Variants in AJAP1 observed in about 807,000 individuals in gnomAD.
AJAP1 encodes the protein adherens junctions associated protein 1, also known as adherens junction-associated protein 1.
Under a neutral mutation model 35.0 loss-of-function variants are expected in AJAP1, and 5 were observed. The observed-to-expected ratio is 0.14, with a 90% CI of 0.07 to 0.30. The LOEUF (loss-of-function observed/expected upper bound fraction) is 0.30. Among genes scored for constraint, AJAP1 ranks in the 10% least tolerant of loss-of-function variants. The pLI, the probability that AJAP1 is intolerant of heterozygous loss-of-function variation, is 1.00. For synonymous variants in AJAP1, 284 were observed against 249.3 expected, an observed-to-expected ratio of 1.14 and a Z score of -1.31; for missense variants, 586 against 571.0, an observed-to-expected ratio of 1.03 and a Z score of -0.27.
rs758704738 is a variant in AJAP1, at chr1:4,787,804, G to T, written c.*5319G>T. 1 of 453,752 alleles carries T rather than the reference G, an allele frequency of 2.2e-6. No homozygotes were observed. Among genetic ancestry groups the T allele is most frequent in the Non-Finnish European group, 4.4e-6 (1 of 225,198 alleles). 28.1% of individuals were successfully genotyped at this position (453,752 alleles called of 1,614,324 possible). A position where few individuals can be genotyped will look rare whatever the true frequency, so the allele number is the denominator to read the frequency against. ...GCCCACGGGGCACGGGCACCTTGGG[G>T]ATGCCATTCTTCTTGGTGCCAGAAG... is the stretch of plus-strand genomic sequence containing the variant. On this transcript the variant is annotated 3_prime_UTR_variant, in exon 6 of 6. Transcript: ENST00000378191.
intron 1 of AJAP1, among the ~76,000 whole-genome samples, chr1:4,683,965 A>G (rs1639544144): frequency 6.6e-6 from 1 of 152,128 alleles, no homozygotes; most frequent in Non-Finnish European, 1.5e-5. Context: ...TAAGACACAG[A>G]CACACAGGGC....
chr1:4,763,989 C>A (rs905076258), intron 2 of AJAP1, among the ~76,000 whole-genome samples: 2 of 152,008 alleles, frequency 1.3e-5, no homozygotes, highest in Non-Finnish European at 2.9e-5. Context: ...AGTGTCCCTG[C>A]CCACTGACCT....
At chr1:4,719,543 C>T (rs1318077594) in intron 2 of AJAP1, among the ~76,000 whole-genome samples, 1 of 152,068 alleles carries the variant, frequency 6.6e-6, no homozygotes, top group Non-Finnish European at 1.5e-5. Context: ...TAGGAAGAGC[C>T]CATCTCGGGG....
intron 2 of AJAP1, among the ~76,000 whole-genome samples, chr1:4,764,628 A>G (rs749576795): frequency 6.6e-6 from 1 of 152,194 alleles, no homozygotes; most frequent in Non-Finnish European, 1.5e-5. Context: ...CACTTGTTGC[A>G]TGACAGACAT....
At chr1:4,675,821 T>C (rs1278022691) in intron 1 of AJAP1, among the ~76,000 whole-genome samples, 1 of 152,228 alleles carries the variant, frequency 6.6e-6, no homozygotes, top group Non-Finnish European at 1.5e-5. Context: ...CCCAGGCCAG[T>C]TAAACCTGCC....
At chr1:4,715,740 A>C (rs1640374616) in intron 2 of AJAP1, among the ~76,000 whole-genome samples, 1 of 152,252 alleles carries the variant, frequency 6.6e-6, no homozygotes, top group Non-Finnish European at 1.5e-5. Flanking sequence ...TAGTGGATGA[A>C]CACTGAGCAT....
intron 2 of AJAP1, among the ~76,000 whole-genome samples, chr1:4,721,041 C>G (rs1173330486): frequency 2.4e-4 from 37 of 152,222 alleles, no homozygotes; most frequent in Non-Finnish European, 7.3e-5. Context: ...CGACTCTCCC[C>G]TTTACATAGC....
At chr1:4,776,148 C>T (rs149009859) in intron 5 of AJAP1, among the ~76,000 whole-genome samples, 106 of 152,346 alleles carry the variant, frequency 7.0e-4, no homozygotes, top group African/African-American at 2.3e-3. Flanking sequence ...GGGACAGCCC[C>T]GTAATACGGA....
At chr1:4,712,816 C>T in intron 2 of AJAP1, 117 bp downstream of exon 2, 2 of 1,120,332 alleles carry the variant, frequency 1.8e-6, no homozygotes, top group African/African-American at 1.6e-5. Context: ...CCAGGAGATG[C>T]AGGCGTGATG....
Position 4,738,397 on chromosome 1 carries a change from G to A in AJAP1, c.829+25698G>A, listed in dbSNP as rs764571762. Among the ~76,000 whole-genome samples the A allele has an allele frequency of 1.9e-4, 29 of 152,360 alleles. No individual in the cohort carries two copies. In the East Asian group the frequency reaches 3.7e-3, roughly 19 times the overall value. On this transcript the variant is annotated intron_variant, in intron 2 of 5. Coordinates refer to ENST00000378191, the MANE Select transcript of AJAP1 (RefSeq NM_018836.4). Reference sequence around the variant, plus strand: ...TGGATTGACTGGGGAGTTAGCATGCGTGAGGGGCCTCTCTCTGAACAAGGG... The same window carrying A: ...TGGATTGACTGGGGAGTTAGCATGCATGAGGGGCCTCTCTCTGAACAAGGG...
rs1468567600 is a variant in AJAP1, at chr1:4,792,534, A to G, written c.*10049A>G. The G allele has an allele frequency of 6.7e-6, 1 of 150,282 alleles. No individual in the cohort carries two copies. The highest frequency in any genetic ancestry group is 1.9e-4 in the East Asian group (1 of 5,170). 9.3% of individuals were successfully genotyped at this position (150,282 alleles called of 1,614,324 possible). ...AAACATAATATGAAAAAAAAAAAAAAGAAGAGAAAAAAGAATTACCATGAG... is the reference window on the plus strand; with the variant it reads ...AAACATAATATGAAAAAAAAAAAAAGGAAGAGAAAAAAGAATTACCATGAG... On this transcript the variant is annotated 3_prime_UTR_variant, in exon 6 of 6. Coordinates refer to ENST00000378191, the MANE Select transcript of AJAP1 (RefSeq NM_018836.4).
At chr1:4,727,315 G>A (rs535348382) in intron 2 of AJAP1, among the ~76,000 whole-genome samples, 3 of 152,216 alleles carry the variant, frequency 2.0e-5, no homozygotes, top group African/African-American at 7.2e-5. Context: ...GAGGGCTCCC[G>A]GCCCCACCTT....
At chr1:4,697,776 G>A (rs971948361) in intron 1 of AJAP1, among the ~76,000 whole-genome samples, 3 of 152,242 alleles carry the variant, frequency 2.0e-5, no homozygotes, top group Admixed American at 2.0e-4. Context: ...GACAGGAGCT[G>A]AGCCGTGGCA....
chr1:4,666,652 C>G (rs1303612365), intron 1 of AJAP1, among the ~76,000 whole-genome samples: 2 of 97,982 alleles, frequency 2.0e-5, no homozygotes, highest in Non-Finnish European at 2.0e-5. Context: ...GTGCGGAGAG[C>G]GGGCCTGTGA....
chr1:4,780,435 C>A (rs1236106989), intron 5 of AJAP1, among the ~76,000 whole-genome samples: 1 of 151,912 alleles, frequency 6.6e-6, no homozygotes, highest in Non-Finnish European at 1.5e-5. Context: ...CCAAGATGGA[C>A]ATATAAGAGG....
chr1:4,730,143 G>A (rs373449363), intron 2 of AJAP1, among the ~76,000 whole-genome samples: 4 of 152,156 alleles, frequency 2.6e-5, no homozygotes, highest in African/African-American at 7.2e-5. Context: ...TGTGCACCTC[G>A]CAGATTCCAC....
chr1:4,743,053 C>T (rs903200008), intron 2 of AJAP1, among the ~76,000 whole-genome samples: 9 of 152,312 alleles, frequency 5.9e-5, no homozygotes, highest in East Asian at 1.9e-4. Context: ...ACGGATTCCA[C>T]GGCTCCCTGG....
At chr1:4,659,022 TG>T (rs1271215486) in intron 1 of AJAP1, among the ~76,000 whole-genome samples, 1 of 152,186 alleles carries the variant, frequency 6.6e-6, no homozygotes, top group East Asian at 1.9e-4. Context: ...TGGGGCCCTG[TG>T]TGCTCCTGGG....
At chr1:4,736,250 C>T (rs1231012609) in intron 2 of AJAP1, among the ~76,000 whole-genome samples, 2 of 152,212 alleles carry the variant, frequency 1.3e-5, no homozygotes, top group Admixed American at 6.5e-5. Flanking sequence ...CTCGCCTGCT[C>T]AAGAACTGTC....
Sources: allele counts gnomAD v4.1 joint callset (sites outside exome capture counted in the v4.1 genomes callset), GRCh38; gene constraint gnomAD v4.1.1; transcripts MANE v1.5; gene names NCBI Gene and HGNC (gene_info 2026-07-23, HGNC 2026-07-21).